Variants in ITGAM observed in about 807,000 individuals in gnomAD.
The protein encoded by ITGAM is integrin subunit alpha M, also known as integrin alpha-M.
In ITGAM, 79 loss-of-function variants were observed where a neutral mutation model predicts 137.5. That is an observed-to-expected ratio of 0.57 (90% CI 0.48 to 0.69). The LOEUF is 0.69. Among genes scored for constraint, ITGAM ranks in the 30% least tolerant of loss-of-function variants. ITGAM has a pLI of 0.00. For synonymous variants in ITGAM, 583 were observed against 592.3 expected (o/e 0.98, Z 0.23); for missense variants, 1,343 against 1,483.5 (o/e 0.91, Z 1.56).
At position 31,261,940 on chromosome 16, in the gene ITGAM, G is replaced by A. The variant is rs1038219658; in HGVS notation, c.134+143G>A. 1.4e-4 allele frequency: 83 copies of A among 603,048 alleles called. 3 individuals are homozygous for A. The South Asian group carries it at 1.6e-3, about 12-fold the overall frequency. 37.4% of individuals were successfully genotyped at this position (603,048 alleles called of 1,614,324 possible). On this transcript the variant is annotated intron_variant, in intron 2 of 29. Coordinates refer to ENST00000544665, the MANE Select transcript of ITGAM (RefSeq NM_000632.4). ...AACAAATTCATCTTTTGAATTTACAGTATTCTAAATTCAAAAGATGCAAAA... is the reference window on the plus strand; with the variant it reads ...AACAAATTCATCTTTTGAATTTACAATATTCTAAATTCAAAAGATGCAAAA...
At position 31,331,891 on chromosome 16, in the gene ITGAM, GCA is replaced by G; in HGVS notation, c.*187_*188del. On this transcript the variant is annotated 3_prime_UTR_variant, in exon 30 of 30. Coordinates refer to ENST00000544665, the MANE Select transcript of ITGAM (RefSeq NM_000632.4). ...TGCAAGTGTCTGTGTGCAAGTGTGT[GCA>G]CATGTGTGCGTGTGCGTGCATGTGC... The G allele has an allele frequency of 1.8e-6, 1 of 554,662 alleles. No homozygotes were observed. Among genetic ancestry groups the G allele is most frequent in the East Asian group, 3.2e-5 (1 of 31,560 alleles). The allele number at this position is 554,662 out of a possible 1,614,324, so 34.4% of individuals were successfully genotyped here. A position where few individuals can be genotyped will look rare whatever the true frequency, so the allele number is the denominator to read the frequency against.
intron 14 of ITGAM, among the ~76,000 whole-genome samples, chr16:31,315,711 A>C (rs1389995749): frequency 6.6e-6 from 1 of 151,892 alleles, no homozygotes; most frequent in Non-Finnish European, 1.5e-5. Context: ...CACCCGCCTC[A>C]GTCTCCTAAA....
chr16:31,277,930 A>AG (rs1176586643), intron 11 of ITGAM, 37 bp from the exon 12 acceptor site: 2 of 1,555,762 alleles, frequency 1.3e-6, no homozygotes, highest in African/African-American at 2.7e-5. Context: ...AGGAGGGGGC[A>AG]GGGAATGCAC....
At chr16:31,301,153 A>C (rs2080193527) in intron 14 of ITGAM, among the ~76,000 whole-genome samples, 1 of 152,162 alleles carries the variant, frequency 6.6e-6, no homozygotes, top group Non-Finnish European at 1.5e-5. Flanking sequence ...CTCATTGCTC[A>C]AACCACCATC....
chr16:31,281,792 G>T (rs2079972155), intron 12 of ITGAM, among the ~76,000 whole-genome samples: 1 of 152,140 alleles, frequency 6.6e-6, no homozygotes, highest in African/African-American at 2.4e-5. Flanking sequence ...TGCTTCTCTA[G>T]TTCTTTTAAT....
chr16:31,326,474 T>C (rs2080509414), intron 21 of ITGAM, among the ~76,000 whole-genome samples: 2 of 152,184 alleles, frequency 1.3e-5, no homozygotes. Context: ...TGGAGTGCAG[T>C]GGTGCAATCT....
At chr16:31,266,252 G>A in intron 5 of ITGAM, 105 bp downstream of exon 5, 1 of 761,558 alleles carries the variant, frequency 1.3e-6, no homozygotes, top group East Asian at 2.6e-5. Flanking sequence ...GTGCAGAAGA[G>A]TGGGGGAACT....
chr16:31,310,603 T>G (rs2080316741), intron 14 of ITGAM, among the ~76,000 whole-genome samples: 2 of 152,174 alleles, frequency 1.3e-5, no homozygotes, highest in Non-Finnish European at 2.9e-5. Flanking sequence ...CGTCTAATTT[T>G]TTTTCAAAGT....
chr16:31,278,968 A>G (rs889382633), intron 12 of ITGAM, among the ~76,000 whole-genome samples: 2 of 152,100 alleles, frequency 1.3e-5, no homozygotes, highest in African/African-American at 2.4e-5. Flanking sequence ...ATTCCCACCT[A>G]TGAGTGAGAA....
intron 12 of ITGAM, among the ~76,000 whole-genome samples, chr16:31,279,762 A>T (rs924734698): frequency 1.1e-4 from 17 of 152,008 alleles, no homozygotes; most frequent in Non-Finnish European, 2.1e-4. Flanking sequence ...ATTTGTCAAT[A>T]TTGGCTTTTG....
chr16:31,277,049 G>C lies in ITGAM; in HGVS notation c.1213G>C (p.Gly405Arg). ...VDSDMNDAYL[G>R]YAAAIILRNR... ...TTCAGACATGAATGATGCTTACTTG[G>C]GTAAGTGGGGAGGGCAAGGGTTACT... The change falls in exon 11 of 30, where the codon GGT (glycine) becomes CGT (arginine). Residue 405 changes from glycine (G) to arginine (R), a missense_variant and splice_region_variant. Coordinates refer to ENST00000544665, the MANE Select transcript of ITGAM (RefSeq NM_000632.4). The C allele has an allele frequency of 1.2e-6, 2 of 1,609,096 alleles. No individual in the cohort carries two copies. Among genetic ancestry groups the C allele is most frequent in the Non-Finnish European group, 1.7e-6 (2 of 1,177,362 alleles).
At chr16:31,263,032 C>G (rs1368574826) in intron 2 of ITGAM, among the ~76,000 whole-genome samples, 3 of 152,148 alleles carry the variant, frequency 2.0e-5, no homozygotes, top group Non-Finnish European at 2.9e-5. Flanking sequence ...ACTTCTGCCT[C>G]CTGGGTTCAA....
chr16:31,316,909 G>T (rs1374572012), intron 14 of ITGAM, among the ~76,000 whole-genome samples: 2 of 152,060 alleles, frequency 1.3e-5, no homozygotes, highest in Non-Finnish European at 2.9e-5. Context: ...TGTTGTTAGT[G>T]TATAGAAACA....
chr16:31,301,103 T>C (rs560499594), intron 14 of ITGAM, among the ~76,000 whole-genome samples: 20 of 152,352 alleles, frequency 1.3e-4, no homozygotes, highest in Admixed American at 1.2e-3. Flanking sequence ...TCAGGCTTAG[T>C]TATTTTTGTC....
At chr16:31,272,091 A>T (rs1294476767) in intron 7 of ITGAM, 99 bp downstream of exon 7, 4 of 1,416,652 alleles carry the variant, frequency 2.8e-6, no homozygotes, top group African/African-American at 1.4e-5. Context: ...GTGGTAGAGG[A>T]TGCTTCCCCA....
chr16:31,263,796 T>G (rs2079731983), intron 2 of ITGAM, among the ~76,000 whole-genome samples: 1 of 146,082 alleles, frequency 6.8e-6, no homozygotes. Context: ...GTTTATCACA[T>G]ACAAAAATTT....
chr16:31,276,623 T>G (rs938458378), intron 9 of ITGAM, 48 bp from the exon 10 acceptor site: 1 of 1,400,352 alleles, frequency 7.1e-7, no homozygotes, highest in Non-Finnish European at 1.0e-6. Context: ...TGAGCCACCA[T>G]GCCCGGCCTT....
chr16:31,260,099 GGGGGT>G lies in ITGAM; in HGVS notation c.28+17_28+21del. Reference sequence around the variant, plus strand: ...AGAGTCCTTCTGTTAACAGGTGCATGGGGGTGGGGTGGGGGACTCTGGGTGGGGAG... The same window carrying G: ...AGAGTCCTTCTGTTAACAGGTGCATGGGGGTGGGGGACTCTGGGTGGGGAG... On this transcript the variant is annotated splice_region_variant and intron_variant, in intron 1 of 29. Coordinates refer to ENST00000544665, the MANE Select transcript of ITGAM (RefSeq NM_000632.4). 7 of 1,573,272 alleles carry G rather than the reference GGGGGT, an allele frequency of 4.4e-6. No individual in the cohort carries two copies. Among genetic ancestry groups the G allele is most frequent in the African/African-American group, 1.3e-5 (1 of 74,402 alleles).
At position 31,329,263 on chromosome 16, in the gene ITGAM, C is replaced by T. The variant is rs2080549522; in HGVS notation, c.2828C>T (p.Ala943Val). 9 of 1,613,140 alleles carry T rather than the reference C, an allele frequency of 5.6e-6. No homozygotes were observed. The highest frequency in any genetic ancestry group is 2.2e-5 in the East Asian group (1 of 44,890). Reference sequence around the variant, plus strand: ...TCCACTAAATATCTCAACTTCACGGCCTCAGAGAATACCAGTCGGGTCATG... The same window carrying T: ...TCCACTAAATATCTCAACTTCACGGTCTCAGAGAATACCAGTCGGGTCATG... The part of the protein sequence containing the change: ...GVSTKYLNFT[A>V]SENTSRVMQH... Residue 943 changes from alanine (A) to valine (V), a missense_variant, in exon 24 of 30, where the codon GCC becomes GTC. Physicochemically the swap from Ala to Val is moderately conservative, Grantham distance 64. Transcript: ENST00000544665.
Sources: allele counts gnomAD v4.1 joint callset (sites outside exome capture counted in the v4.1 genomes callset), GRCh38; gene constraint gnomAD v4.1.1; transcripts MANE v1.5; gene names NCBI Gene and HGNC (gene_info 2026-07-23, HGNC 2026-07-21).